The following RNF150 variants were observed in gnomAD, a reference collection of about 807,000 sequenced individuals.
RNF150 encodes ring finger protein 150.
A neutral mutation model predicts 39.3 loss-of-function variants in RNF150; 24 were observed. That is an observed-to-expected ratio of 0.61 (90% CI 0.44 to 0.86). The LOEUF (loss-of-function observed/expected upper bound fraction) is 0.86. RNF150 is among the 40% of genes least tolerant of loss of function. RNF150 has a pLI of 0.00. For synonymous variants in RNF150, 255 were observed against 227.3 expected (o/e 1.12, Z -1.10); for missense variants, 502 against 587.8 (o/e 0.85, Z 1.51).
intron 1 of RNF150, among the ~76,000 whole-genome samples, chr4:141,000,072 A>G (rs890562281): frequency 0.016 from 1,363 of 83,998 alleles, 238 homozygotes; most frequent in East Asian, 0.032. Context: ...GAAGAAGAAG[A>G]AGAAGAAGAA....
At chr4:140,964,539 G>A (rs1276405745) in intron 2 of RNF150, among the ~76,000 whole-genome samples, 3 of 151,864 alleles carry the variant, frequency 2.0e-5, no homozygotes, top group Admixed American at 6.6e-5. Context: ...TAATGGCAAC[G>A]TAATGATTAA....
chr4:140,901,442 G>T (rs1201595720), intron 6 of RNF150, among the ~76,000 whole-genome samples: 1 of 152,184 alleles, frequency 6.6e-6, no homozygotes, highest in Admixed American at 6.5e-5. Flanking sequence ...GCTATACAGA[G>T]AATTGTTTGT....
chr4:141,067,779 C>T (rs1022697532), intron 1 of RNF150, among the ~76,000 whole-genome samples: 13 of 152,090 alleles, frequency 8.5e-5, no homozygotes, highest in Admixed American at 3.9e-4. Context: ...GATAATTTCT[C>T]ATAAAGACTT....
intron 1 of RNF150, among the ~76,000 whole-genome samples, chr4:141,070,377 A>G (rs1737644290): frequency 6.6e-6 from 1 of 150,410 alleles, no homozygotes; most frequent in African/African-American, 2.4e-5. Flanking sequence ...CAAAATTGAC[A>G]AATGGGATCT....
intron 1 of RNF150, among the ~76,000 whole-genome samples, chr4:141,198,038 T>A (rs570447924): frequency 1.3e-5 from 2 of 151,812 alleles, no homozygotes; most frequent in South Asian, 4.2e-4. Context: ...CACTCCTTTT[T>A]TTTTTTTTTT....
At chr4:140,937,130 A>G (rs900220346) in intron 4 of RNF150, among the ~76,000 whole-genome samples, 46 of 152,212 alleles carry the variant, frequency 3.0e-4, no homozygotes, top group African/African-American at 1.0e-3. Flanking sequence ...ATAAATATAT[A>G]AACAACTAAC....
chr4:141,189,837 C>T (rs552295783), intron 1 of RNF150, among the ~76,000 whole-genome samples: 17 of 152,154 alleles, frequency 1.1e-4, no homozygotes, highest in Non-Finnish European at 2.2e-4. Context: ...TCCTGGGGTC[C>T]GTGGGAGTGG....
rs1560934881 is a variant in RNF150, at chr4:140,861,254, C to A, written c.*7007G>T. 6.6e-6 allele frequency: 1 copy of A among 152,196 alleles called. No individual in the cohort carries two copies. Among genetic ancestry groups the A allele is most frequent in the Non-Finnish European group, 1.5e-5 (1 of 68,038 alleles). The allele number at this position is 152,196 out of a possible 1,614,324, so 9.4% of individuals were successfully genotyped here. A position where few individuals can be genotyped will look rare whatever the true frequency, so the allele number is the denominator to read the frequency against. On this transcript the variant is annotated 3_prime_UTR_variant, in exon 7 of 7. Coordinates refer to ENST00000515673, the MANE Select transcript of RNF150 (RefSeq NM_020724.2). ...AGTTGAGATAACTTACAAAAACAAG[C>A]AGTCCCTTGCTTATAACTGCACAAA...
chr4:141,025,911 G>A (rs1168043280), intron 1 of RNF150, among the ~76,000 whole-genome samples: 2 of 152,094 alleles, frequency 1.3e-5, no homozygotes, highest in East Asian at 1.9e-4. Context: ...ATATTTGGAC[G>A]TAGGGCCTTT....
chr4:140,936,430 T>C (rs902236387), intron 4 of RNF150, among the ~76,000 whole-genome samples: 4 of 152,296 alleles, frequency 2.6e-5, no homozygotes, highest in East Asian at 3.9e-4. Context: ...GCCAAGTATA[T>C]AAAATTCTGT....
At chr4:141,142,491 C>T (rs913418778) in intron 1 of RNF150, among the ~76,000 whole-genome samples, 6 of 152,184 alleles carry the variant, frequency 3.9e-5, no homozygotes. Flanking sequence ...CTTCATTCCT[C>T]CTCCCTTTTT....
intron 4 of RNF150, among the ~76,000 whole-genome samples, chr4:140,940,961 C>G (rs568435261): frequency 6.6e-6 from 1 of 152,178 alleles, no homozygotes; most frequent in African/African-American, 2.4e-5. Context: ...CTGAGTGAAG[C>G]CAAGAACCCT....
chr4:141,206,560 T>C (rs1045357635), intron 1 of RNF150, among the ~76,000 whole-genome samples: 2 of 150,994 alleles, frequency 1.3e-5, no homozygotes, highest in Admixed American at 1.3e-4. Flanking sequence ...TAGATACCAA[T>C]AGATTCAAAA....
intron 1 of RNF150, chr4:140,996,946 G>A (rs1734398147): frequency 1.3e-5 from 2 of 152,182 alleles, no homozygotes; most frequent in Admixed American, 1.3e-4. Context: ...AGATTCATGA[G>A]CCAATACATA....
At chr4:141,106,802 AT>A (rs527285147) in intron 1 of RNF150, among the ~76,000 whole-genome samples, 1 of 152,088 alleles carries the variant, frequency 6.6e-6, no homozygotes, top group African/African-American at 2.4e-5. Flanking sequence ...CTCAAAAAAA[AT>A]AATATATATA....
chr4:140,909,434 T>C (rs1730511098), intron 6 of RNF150, among the ~76,000 whole-genome samples: 1 of 152,256 alleles, frequency 6.6e-6, no homozygotes, highest in Admixed American at 6.5e-5. Context: ...GTTTTAATAT[T>C]GGAGACAATA....
At chr4:141,009,386 C>T (rs1242132140) in intron 1 of RNF150, among the ~76,000 whole-genome samples, 1 of 152,180 alleles carries the variant, frequency 6.6e-6, no homozygotes, top group Non-Finnish European at 1.5e-5. Flanking sequence ...TCCAGCACTA[C>T]CTTACTGTCC....
chr4:141,180,825 T>C (rs1180326583), intron 1 of RNF150, among the ~76,000 whole-genome samples: 1 of 152,214 alleles, frequency 6.6e-6, no homozygotes, highest in Non-Finnish European at 1.5e-5. Context: ...GTTTTCCTTT[T>C]TCCATGGACC....
At chr4:140,911,491 C>T in intron 5 of RNF150, 137 bp from the exon 6 acceptor site, 1 of 667,928 alleles carries the variant, frequency 1.5e-6, no homozygotes, top group Non-Finnish European at 2.5e-6. Context: ...TATTTAAAAA[C>T]ATTCTATATA....
Sources: gnomAD v4.1 joint callset for allele counts (sites outside exome capture counted in the v4.1 genomes callset) on GRCh38, gnomAD v4.1.1 for gene constraint, MANE v1.5 for transcripts, NCBI Gene and HGNC (gene_info 2026-07-23, HGNC 2026-07-21) for gene names.